The following KIAA0825 variants were observed in gnomAD, a reference collection of about 807,000 sequenced individuals.
KIAA0825 encodes the protein KIAA0825.
In KIAA0825, 119 loss-of-function variants were observed where a neutral mutation model predicts 147.6. That is an observed-to-expected ratio of 0.81 (90% CI 0.69 to 0.94). The LOEUF (loss-of-function observed/expected upper bound fraction) is 0.94, where lower values mean the gene tolerates loss of function less well. Ranked by LOEUF, KIAA0825 falls within the 40% of genes least tolerant of loss-of-function variation. The pLI, the probability that KIAA0825 is intolerant of heterozygous loss-of-function variation, is 0.00. For synonymous variants in KIAA0825, 470 were observed against 518.1 expected (o/e 0.91, Z 1.26); for missense variants, 1,381 against 1,472.7 (o/e 0.94, Z 1.02).
At chr5:94,558,826 G>A (rs897971707) in intron 2 of KIAA0825, among the ~76,000 whole-genome samples, 1 of 152,132 alleles carries the variant, frequency 6.6e-6, no homozygotes, top group Non-Finnish European at 1.5e-5. Context: ...CATTCCACAA[G>A]TGCATTCCCT....
At chr5:94,456,344 A>C (rs1305913320) in intron 12 of KIAA0825, among the ~76,000 whole-genome samples, 1 of 152,112 alleles carries the variant, frequency 6.6e-6, no homozygotes, top group Non-Finnish European at 1.5e-5. Flanking sequence ...CTACCTCTGA[A>C]GCTTCTCTGC....
At chr5:94,602,892 G>A (rs776259128) in intron 1 of KIAA0825, among the ~76,000 whole-genome samples, 88 of 150,136 alleles carry the variant, frequency 5.9e-4, no homozygotes, top group Non-Finnish European at 9.6e-4. Flanking sequence ...GCAGTGGCAT[G>A]ATCTCAGCTC....
chr5:94,385,664 A>G (rs1749038983), intron 19 of KIAA0825, among the ~76,000 whole-genome samples: 1 of 152,200 alleles, frequency 6.6e-6, no homozygotes, highest in Admixed American at 6.5e-5. Flanking sequence ...AGACGATGGC[A>G]TAATCTGACA....
At chr5:94,543,909 G>A (rs1227934517) in intron 2 of KIAA0825, among the ~76,000 whole-genome samples, 1 of 152,118 alleles carries the variant, frequency 6.6e-6, no homozygotes, top group Non-Finnish European at 1.5e-5. Context: ...GTCTAGAAAG[G>A]GAAGGCATGA....
intron 20 of KIAA0825, among the ~76,000 whole-genome samples, chr5:94,163,659 C>T (rs984282678): frequency 3.3e-5 from 5 of 152,220 alleles, no homozygotes; most frequent in South Asian, 2.1e-4. Flanking sequence ...TAACCATTCA[C>T]GTTTCCATTC....
intron 20 of KIAA0825, among the ~76,000 whole-genome samples, chr5:94,338,471 C>T (rs1337587822): frequency 1.3e-5 from 2 of 152,040 alleles, no homozygotes; most frequent in Non-Finnish European, 2.9e-5. Flanking sequence ...TATGGTGCCA[C>T]ATGTGCCACA....
intron 20 of KIAA0825, among the ~76,000 whole-genome samples, chr5:94,272,395 C>A (rs958406716): frequency 1.3e-5 from 2 of 151,886 alleles, no homozygotes; most frequent in Non-Finnish European, 2.9e-5. Flanking sequence ...GTGATGGATA[C>A]CCCATTTACC....
intron 20 of KIAA0825, among the ~76,000 whole-genome samples, chr5:94,156,653 C>T (rs1166665580): frequency 6.6e-6 from 1 of 152,034 alleles, no homozygotes. Flanking sequence ...CAATTATAGG[C>T]ACTTCACAGT....
chr5:94,507,497 G>T (rs1468045359), intron 5 of KIAA0825, among the ~76,000 whole-genome samples: 2 of 150,476 alleles, frequency 1.3e-5, no homozygotes, highest in Non-Finnish European at 3.0e-5. Context: ...AAATGTCTTG[G>T]CCAAGATAAG....
At chr5:94,326,212 C>A (rs2150265921) in intron 20 of KIAA0825, among the ~76,000 whole-genome samples, 1 of 152,220 alleles carries the variant, frequency 6.6e-6, no homozygotes, top group South Asian at 2.1e-4. Context: ...AAAAATCAAT[C>A]ATCAAATGCT....
intron 7 of KIAA0825, among the ~76,000 whole-genome samples, 155 bp from the exon 8 acceptor site, chr5:94,473,674 T>G (rs912921361): frequency 6.6e-6 from 1 of 152,224 alleles, no homozygotes; most frequent in African/African-American, 2.4e-5. Flanking sequence ...AAATATTACC[T>G]AGTGAATAAA....
intron 10 of KIAA0825, among the ~76,000 whole-genome samples, chr5:94,468,618 G>A (rs1760840116): frequency 6.6e-6 from 1 of 152,162 alleles, no homozygotes. Context: ...GGCCTCTAAA[G>A]GAGAGATGAA....
chr5:94,189,388 T>C (rs1196318790), intron 20 of KIAA0825, among the ~76,000 whole-genome samples: 1 of 152,178 alleles, frequency 6.6e-6, no homozygotes, highest in Non-Finnish European at 1.5e-5. Flanking sequence ...TCTTCAGAAG[T>C]TGAGTAGTTT....
intron 20 of KIAA0825, among the ~76,000 whole-genome samples, chr5:94,188,413 TA>T (rs1263305509): frequency 6.6e-6 from 1 of 152,184 alleles, no homozygotes; most frequent in African/African-American, 2.4e-5. Flanking sequence ...TAATACCTGT[TA>T]GTAAAAATAA....
At chr5:94,368,966 G>A (rs918332637) in intron 20 of KIAA0825, among the ~76,000 whole-genome samples, 11 of 151,956 alleles carry the variant, frequency 7.2e-5, no homozygotes, top group African/African-American at 2.2e-4. Context: ...CCAGGAGTTC[G>A]AGACCAGACC....
intron 5 of KIAA0825, among the ~76,000 whole-genome samples, chr5:94,515,111 A>G (rs1023083499): frequency 6.6e-6 from 1 of 152,224 alleles, no homozygotes; most frequent in Non-Finnish European, 1.5e-5. Context: ...ATCTTTTCAT[A>G]TTAAAATACA....
At chr5:94,333,143 T>G (rs575815013) in intron 20 of KIAA0825, among the ~76,000 whole-genome samples, 2 of 152,340 alleles carry the variant, frequency 1.3e-5, no homozygotes, top group African/African-American at 4.8e-5. Flanking sequence ...GTCAGATGAA[T>G]AGATTGGAAA....
chr5:94,346,689 C>T (rs914006725), intron 20 of KIAA0825, among the ~76,000 whole-genome samples: 31 of 152,156 alleles, frequency 2.0e-4, no homozygotes, highest in Non-Finnish European at 3.7e-4. Flanking sequence ...GGTCCCCTAG[C>T]GGGCCATTCC....
rs958363595 is a variant in KIAA0825, at chr5:94,163,269, C to T, written c.3711-9145G>A. Among the ~76,000 whole-genome samples, 3 of 152,254 alleles carry T rather than the reference C, an allele frequency of 2.0e-5. No individual in the cohort carries two copies. In the Middle Eastern group the frequency reaches 0.01, roughly 518 times the overall value. ...GCTTAGCAAAGTACTTAATTTAGGTCACATATCACACTGGAATGAGACCTT... is the reference window on the plus strand; with the variant it reads ...GCTTAGCAAAGTACTTAATTTAGGTTACATATCACACTGGAATGAGACCTT... On this transcript the variant is annotated intron_variant, in intron 20 of 20. Transcript: ENST00000682413.
Sources: gnomAD v4.1 joint callset for allele counts (sites outside exome capture counted in the v4.1 genomes callset) on GRCh38, gnomAD v4.1.1 for gene constraint, MANE v1.5 for transcripts, NCBI Gene and HGNC (gene_info 2026-07-23, HGNC 2026-07-21) for gene names.